The following TMED3 variants were observed in gnomAD, a reference collection of about 807,000 sequenced individuals.
The protein encoded by TMED3 is transmembrane emp24 domain-containing protein 3.
In TMED3, 9 loss-of-function variants were observed where a neutral mutation model predicts 15.0. The observed-to-expected ratio is 0.60, with a 90% confidence interval of 0.36 to 1.04. The LOEUF is 1.04. Ranked by LOEUF, TMED3 falls within the 50% of genes least tolerant of loss-of-function variation. The pLI, the probability that TMED3 is intolerant of heterozygous loss-of-function variation, is 0.01. For missense variants in TMED3, 267 were observed against 278.9 expected (o/e 0.96, Z 0.30); for synonymous variants, 117 against 121.4 (o/e 0.96, Z 0.24).
chr15:79,334,690 G>A (rs1038587357), intron 2 of TMED3, among the ~76,000 whole-genome samples: 2 of 152,180 alleles, frequency 1.3e-5, no homozygotes, highest in Non-Finnish European at 2.9e-5. Context: ...CAGGATCACG[G>A]CAAAGTAACA....
Position 79,311,192 on chromosome 15 carries a change from C to G in TMED3, c.-58C>G. On this transcript the variant is annotated 5_prime_UTR_variant, in exon 1 of 3. Coordinates refer to ENST00000299705, the MANE Select transcript of TMED3 (RefSeq NM_007364.4). ...AGGACCCGGTCGGTAGTCGTCGCCC[C>G]AGCCCGCCGGGGGCGCAGCGCCCGA... 1 of 1,527,776 alleles carries G rather than the reference C, an allele frequency of 6.5e-7. No homozygotes were observed. The allele number at this position is 1,527,776 out of a possible 1,614,324, so 94.6% of individuals were successfully genotyped here. A position where few individuals can be genotyped will look rare whatever the true frequency, so the allele number is the denominator to read the frequency against.
At position 79,315,036 on chromosome 15, in the gene TMED3, G is replaced by A. The variant is rs545720804; in HGVS notation, c.417+1031G>A. ...CAGGAATAACCATCGATAGCAGCAC[G>A]TGTGCCAGAACCAAAGCCACAGCGT... On this transcript the variant is annotated intron_variant, in intron 2 of 2. Transcript: ENST00000299705. 3.4e-4 allele frequency among the ~76,000 whole-genome samples: 52 copies of A among 152,298 alleles called. No homozygotes were observed. In the South Asian group the frequency reaches 0.01, roughly 30 times the overall value.
intron 2 of TMED3, among the ~76,000 whole-genome samples, chr15:79,378,948 T>C (rs941743672): frequency 6.6e-6 from 1 of 152,238 alleles, no homozygotes; most frequent in Non-Finnish European, 1.5e-5. Flanking sequence ...AAAAGTGATA[T>C]ACTTATCTAT....
intron 2 of TMED3, among the ~76,000 whole-genome samples, chr15:79,400,622 G>A (rs1470839746): frequency 6.6e-6 from 1 of 152,202 alleles, no homozygotes; most frequent in African/African-American, 2.4e-5. Context: ...AGGAAAGTAG[G>A]AGAGTAAGTG....
At chr15:79,397,000 G>A (rs4779078) in intron 2 of TMED3, among the ~76,000 whole-genome samples, 46,355 of 152,036 alleles carry the variant, frequency 0.3, 8,584 homozygotes, top group Middle Eastern at 0.5. Flanking sequence ...GGACAGTGCC[G>A]GCCAAAGCAC....
chr15:79,398,603 G>C (rs1296665294), intron 2 of TMED3, among the ~76,000 whole-genome samples: 10 of 152,150 alleles, frequency 6.6e-5, no homozygotes, highest in Admixed American at 6.5e-4. Flanking sequence ...CAGTCATGCA[G>C]AGTTAGTCCC....
At chr15:79,351,744 A>G (rs2058891847) in intron 2 of TMED3, among the ~76,000 whole-genome samples, 1 of 152,150 alleles carries the variant, frequency 6.6e-6, no homozygotes, top group African/African-American at 2.4e-5. Context: ...ATAGGAAAAG[A>G]AGTCATTATA....
intron 2 of TMED3, among the ~76,000 whole-genome samples, chr15:79,403,026 G>A (rs28552967): frequency 0.46 from 69,984 of 150,828 alleles, 16,626 homozygotes; most frequent in East Asian, 0.69. Context: ...GGAGACCAGC[G>A]CGGCCAACAC....
At chr15:79,326,317 G>A (rs1414779794), downstream of TMED3, among the ~76,000 whole-genome samples, 3 of 152,214 alleles carry the variant, frequency 2.0e-5, no homozygotes, top group East Asian at 5.8e-4. Flanking sequence ...CCGGAGGGGT[G>A]TCCAGAAATG....
chr15:79,383,053 T>C (rs1312382693), intron 2 of TMED3: 1 of 1,533,994 alleles, frequency 6.5e-7, no homozygotes, highest in Non-Finnish European at 8.7e-7. Context: ...CAACTGCTTG[T>C]TTACCTCCTG....
chr15:79,330,475 C>T (rs1452971204), intron 2 of TMED3, among the ~76,000 whole-genome samples: 6 of 151,872 alleles, frequency 4.0e-5, no homozygotes, highest in Admixed American at 3.9e-4. Context: ...TAAATTTAAC[C>T]AAGGATGTGA....
intron 2 of TMED3, among the ~76,000 whole-genome samples, chr15:79,352,234 C>G (rs565990568): frequency 6.6e-6 from 1 of 152,170 alleles, no homozygotes; most frequent in Non-Finnish European, 1.5e-5. Context: ...ACACCCACCT[C>G]TTTGCCACAC....
chr15:79,322,834 G>C lies in TMED3; in HGVS notation c.*620G>C, dbSNP rs2058773807. The C allele has an allele frequency of 1.0e-6, 1 of 985,446 alleles. No individual in the cohort carries two copies. Among genetic ancestry groups the C allele is most frequent in the South Asian group, 4.7e-5 (1 of 21,292 alleles). 61.0% of individuals were successfully genotyped at this position (985,446 alleles called of 1,614,324 possible). A position where few individuals can be genotyped will look rare whatever the true frequency, so the allele number is the denominator to read the frequency against. Reference sequence around the variant, plus strand: ...ACTGTGGCTAATAAAAACTAAGTGTGAGCGTCCTGGAGACTTGTGCCTTTA... The same window carrying C: ...ACTGTGGCTAATAAAAACTAAGTGTCAGCGTCCTGGAGACTTGTGCCTTTA... On this transcript the variant is annotated 3_prime_UTR_variant, in exon 3 of 3. Coordinates refer to ENST00000299705, the MANE Select transcript of TMED3 (RefSeq NM_007364.4).
intron 2 of TMED3, among the ~76,000 whole-genome samples, chr15:79,352,017 T>G (rs1443493226): frequency 2.7e-5 from 4 of 149,138 alleles, no homozygotes; most frequent in Non-Finnish European, 5.9e-5. Context: ...AGCTAAGCTA[T>G]GAGGACTCAA....
At chr15:79,407,381 C>G (rs190375442) in intron 2 of TMED3, among the ~76,000 whole-genome samples, 1 of 152,118 alleles carries the variant, frequency 6.6e-6, no homozygotes. Context: ...CATTTGCTCC[C>G]TAGTTTCTAT....
At chr15:79,354,148 C>G (rs769488452) in intron 2 of TMED3, among the ~76,000 whole-genome samples, 21 of 152,106 alleles carry the variant, frequency 1.4e-4, no homozygotes, top group Non-Finnish European at 2.5e-4. Context: ...CTGAGATTAA[C>G]TAGGGATGTG....
exon 3 of TMED3, chr15:79,413,249 A>G (rs1007651531): frequency 1.3e-5 from 2 of 152,346 alleles, no homozygotes; most frequent in South Asian, 4.1e-4. Flanking sequence ...GATTTTTAAA[A>G]AAGAGATTCA....
chr15:79,373,726 G>A (rs529306144), intron 2 of TMED3, among the ~76,000 whole-genome samples: 2 of 152,354 alleles, frequency 1.3e-5, no homozygotes, highest in African/African-American at 4.8e-5. Context: ...ACGCCAGGTA[G>A]TTGGGTTACA....
intron 2 of TMED3, among the ~76,000 whole-genome samples, chr15:79,394,244 A>G (rs1893736154): frequency 6.6e-6 from 1 of 152,238 alleles, no homozygotes; most frequent in South Asian, 2.1e-4. Flanking sequence ...TCGAAAAGGC[A>G]TACTTTAAAA....
Sources: allele counts gnomAD v4.1 joint callset (sites outside exome capture counted in the v4.1 genomes callset), GRCh38; gene constraint gnomAD v4.1.1; transcripts MANE v1.5; gene names NCBI Gene and HGNC (gene_info 2026-07-23, HGNC 2026-07-21).